The following AHSA1 variants were observed in gnomAD, a reference collection of about 807,000 sequenced individuals.
The protein encoded by AHSA1 is activator of 90 kDa heat shock protein ATPase homolog 1.
AHSA1 carries 14 observed loss-of-function variants against 46.1 expected under a neutral mutation model. That is an observed-to-expected ratio of 0.30 (90% CI 0.20 to 0.47). AHSA1 has a LOEUF of 0.47. AHSA1 is among the 20% of genes least tolerant of loss of function. The pLI, the probability that AHSA1 is intolerant of heterozygous loss-of-function variation, is 0.99. For missense variants in AHSA1, 333 were observed against 415.9 expected, an observed-to-expected ratio of 0.80 and a Z score of 1.73; for synonymous variants, 147 against 145.8, an observed-to-expected ratio of 1.01 and a Z score of -0.06.
chr14:77,462,141 A>G lies in AHSA1; in HGVS notation c.272-19A>G. ...TCCTGCCAAGGAGTGGACTAATGAC[A>G]TTGCATTGGTTTTGACAGGTACTTC... On this transcript the variant is annotated intron_variant, in intron 2 of 8. Coordinates refer to ENST00000216479, the MANE Select transcript of AHSA1 (RefSeq NM_012111.3). 1 of 1,581,318 alleles carries G rather than the reference A, an allele frequency of 6.3e-7. No individual in the cohort carries two copies. Among genetic ancestry groups the G allele is most frequent in the Non-Finnish European group, 8.7e-7 (1 of 1,150,164 alleles).
chr14:77,468,745 T>TTTA, intron 8 of AHSA1: 3 of 354,444 alleles, frequency 8.5e-6, no homozygotes, highest in Admixed American at 6.0e-5. Context: ...TTTTTTTTTT[T>TTTA]ACTTTTTTAC....
At chr14:77,468,587 CAG>C (rs1182509511) in intron 8 of AHSA1, 79 bp downstream of exon 8, 32 of 1,098,804 alleles carry the variant, frequency 2.9e-5, no homozygotes, top group East Asian at 5.1e-5. Context: ...TTTTTGGAAA[CAG>C]GGTCTCACTG....
At chr14:77,462,837 CT>C in intron 4 of AHSA1, 78 bp downstream of exon 4, 1 of 1,221,788 alleles carries the variant, frequency 8.2e-7, no homozygotes, top group Non-Finnish European at 1.2e-6. Flanking sequence ...CTGGACAGTC[CT>C]TTCTTTGGCA....
chr14:77,468,459 C>T lies in AHSA1; in HGVS notation c.795C>T (p.Val265=). Residue 265 remains valine (V), a splice_region_variant and synonymous_variant, in exon 8 of 9, where the codon GTC becomes GTT. Coordinates refer to ENST00000216479, the MANE Select transcript of AHSA1 (RefSeq NM_012111.3). ...GNVSGEFTDL[V]PEKHIVMKWR... ...ACTGAGCTGTTTGATTATTTTAGGT[C>T]CCTGAGAAACATATTGTGATGAAGT... is the stretch of plus-strand genomic sequence containing the variant. 1 of 1,612,812 alleles carries T rather than the reference C, an allele frequency of 6.2e-7. No homozygotes were observed. Among genetic ancestry groups the T allele is most frequent in the Non-Finnish European group, 8.5e-7 (1 of 1,179,224 alleles).
At position 77,468,438 on chromosome 14, in the gene AHSA1, A is replaced by C. The variant is rs760729452; in HGVS notation, c.793-19A>C. The C allele has an allele frequency of 1.2e-6, 2 of 1,608,544 alleles. No individual in the cohort carries two copies. On this transcript the variant is annotated intron_variant, in intron 7 of 8. Transcript: ENST00000216479. ...ACATTGTAGTATATAATATAGACTG[A>C]GCTGTTTGATTATTTTAGGTCCCTG...
intron 6 of AHSA1, 129 bp downstream of exon 6, chr14:77,465,796 A>G (rs1038241851): frequency 1.2e-5 from 11 of 907,658 alleles, no homozygotes; most frequent in Non-Finnish European, 1.7e-5. Context: ...TGAGGCCTTC[A>G]TCAAAGTGAA....
rs1566748742 is a variant in AHSA1 at position 77,468,073 on chromosome 14, T to C, written c.691-10T>C. On this transcript the variant is annotated splice_polypyrimidine_tract_variant and intron_variant, in intron 6 of 8. Coordinates refer to ENST00000216479, the MANE Select transcript of AHSA1 (RefSeq NM_012111.3). Reference sequence around the variant, plus strand: ...CCTCTTTTTTTTTTTTTTTTTTTTTTTCCCTGCAGCTGGTGCAGGCCTTTA... The same window carrying C: ...CCTCTTTTTTTTTTTTTTTTTTTTTCTCCCTGCAGCTGGTGCAGGCCTTTA... 6 of 1,379,552 alleles carry C rather than the reference T, an allele frequency of 4.3e-6. No individual in the cohort carries two copies. Among genetic ancestry groups the C allele is most frequent in the East Asian group, 2.6e-5 (1 of 38,150 alleles). The allele number at this position is 1,379,552 out of a possible 1,614,324, so 85.5% of individuals were successfully genotyped here.
rs1315199257 is a variant in AHSA1, at chr14:77,468,284, C to T, written c.792+100C>T. The T allele has an allele frequency of 3.6e-6, 4 of 1,107,792 alleles. No individual in the cohort carries two copies. In the South Asian group the frequency reaches 4.5e-5, roughly 12 times the overall value. 68.6% of individuals were successfully genotyped at this position (1,107,792 alleles called of 1,614,324 possible). A position where few individuals can be genotyped will look rare whatever the true frequency, so the allele number is the denominator to read the frequency against. On this transcript the variant is annotated intron_variant, in intron 7 of 8. Transcript: ENST00000216479. ...TATAGGTAAAATGTAAGGCTTTAAT[C>T]TCTTTGTTAATAAAACATTTTGTTT...
Position 77,465,597 on chromosome 14 carries a change from G to C in AHSA1, c.620G>C (p.Cys207Ser). The part of the protein sequence containing the change: ...ARPVGVKIPT[C>S]KITLKETFLT... ...CCTGTTGGAGTCAAAATCCCCACTTGTAAGATCACTCTTAAGGAAACCTTC... is the reference window on the plus strand; with the variant it reads ...CCTGTTGGAGTCAAAATCCCCACTTCTAAGATCACTCTTAAGGAAACCTTC... Residue 207 changes from cysteine (C) to serine (S), a missense_variant, in exon 6 of 9, where the codon TGT becomes TCT. Transcript: ENST00000216479. The C allele has an allele frequency of 1.2e-6, 2 of 1,614,042 alleles. No homozygotes were observed. Among genetic ancestry groups the C allele is most frequent in the Non-Finnish European group, 1.7e-6 (2 of 1,179,880 alleles).
At chr14:77,460,945 G>A (rs2079020204) in intron 2 of AHSA1, among the ~76,000 whole-genome samples, 1 of 151,800 alleles carries the variant, frequency 6.6e-6, no homozygotes, top group Non-Finnish European at 1.5e-5. Flanking sequence ...GGATCACGAG[G>A]TCAGGAGATC....
At chr14:77,462,982 T>C in intron 4 of AHSA1, 1 of 472,978 alleles carries the variant, frequency 2.1e-6, no homozygotes, top group Non-Finnish European at 3.9e-6. Flanking sequence ...TAGACCAAAC[T>C]GAAATGTACT....
Position 77,462,592 on chromosome 14 carries a change from T to C in AHSA1, c.355-50T>C, listed in dbSNP as rs771254651. On this transcript the variant is annotated intron_variant, in intron 3 of 8. Coordinates refer to ENST00000216479, the MANE Select transcript of AHSA1 (RefSeq NM_012111.3). ...ATTGCTCAGCCCCCACATTCCATAA[T>C]GAGGGTGCCCCTCAAGTTATTTACC... 2.5e-5 allele frequency: 39 copies of C among 1,553,386 alleles called. No homozygotes were observed. The South Asian group carries it at 4.0e-4, about 16-fold the overall frequency.
intron 6 of AHSA1, among the ~76,000 whole-genome samples, chr14:77,465,915 C>T (rs1156508930): frequency 6.6e-6 from 1 of 152,156 alleles, no homozygotes; most frequent in Non-Finnish European, 1.5e-5. Context: ...CAACCTCTGC[C>T]TCCCAGGTTC....
intron 6 of AHSA1, among the ~76,000 whole-genome samples, chr14:77,467,825 T>C (rs973015084): frequency 1.3e-5 from 2 of 152,276 alleles, no homozygotes; most frequent in Non-Finnish European, 2.9e-5. Context: ...TATATCTTTC[T>C]GAACCATATA....
At chr14:77,468,049 CTCTTTTTTTTTTT>C (rs2079055260) in intron 6 of AHSA1, 21 bp from the exon 7 acceptor site, 11 of 723,668 alleles carry the variant, frequency 1.5e-5, no homozygotes, top group East Asian at 4.8e-5. Flanking sequence ...TATCTTCTGC[CTCTTTTTTTTTTT>C]TTTTTTTTTT....
chr14:77,458,743 T>A (rs775679042), intron 1 of AHSA1, among the ~76,000 whole-genome samples: 11 of 152,208 alleles, frequency 7.2e-5, no homozygotes, highest in African/African-American at 1.2e-4. Context: ...GAACGTGTTG[T>A]GCAGGTGCTC....
chr14:77,469,043 G>C, intron 8 of AHSA1, 34 bp from the exon 9 acceptor site: 2 of 1,609,042 alleles, frequency 1.2e-6, no homozygotes, highest in Non-Finnish European at 1.7e-6. Context: ...TGGAAACCTA[G>C]ATATGAAACC....
rs1168773917 is a variant in AHSA1, at chr14:77,461,259, G to T, written c.272-901G>T. ...GAAAGTGGGCATCAAAGCCAGGCGCGGCGGCTCACGCCTGTAATCTCAGCA... is the reference window on the plus strand; with the variant it reads ...GAAAGTGGGCATCAAAGCCAGGCGCTGCGGCTCACGCCTGTAATCTCAGCA... On this transcript the variant is annotated intron_variant, in intron 2 of 8. Coordinates refer to ENST00000216479, the MANE Select transcript of AHSA1 (RefSeq NM_012111.3). Among the ~76,000 whole-genome samples, 3 of 152,226 alleles carry T rather than the reference G, an allele frequency of 2.0e-5. No individual in the cohort carries two copies. The East Asian group carries it at 5.8e-4, about 29-fold the overall frequency.
chr14:77,469,136 A>G lies in AHSA1; in HGVS notation c.904A>G (p.Met302Val), dbSNP rs372535976. Residue 302 changes from methionine (M) to valine (V), a missense_variant, in exon 9 of 9, where the codon ATG becomes GTG. Met to Val is a conservative substitution (Grantham distance 21). Transcript: ENST00000216479. ...CAAGAACGGAGAGACTGAGCTGTGC[A>G]TGGAAGGTCGAGGCATCCCTGCTCC... is the stretch of plus-strand genomic sequence containing the variant. ...IDKNGETELC[M>V]EGRGIPAPEE... 19 of 1,614,184 alleles carry G rather than the reference A, an allele frequency of 1.2e-5. 1 individual carries two copies. The highest frequency in any genetic ancestry group is 1.5e-5 in the Non-Finnish European group (18 of 1,180,032).
Sources: allele counts gnomAD v4.1 joint callset (sites outside exome capture counted in the v4.1 genomes callset), GRCh38; gene constraint gnomAD v4.1.1; transcripts MANE v1.5; gene names NCBI Gene and HGNC (gene_info 2026-07-23, HGNC 2026-07-21).